TEX36: variants seen among roughly 807,000 people sequenced by gnomAD.
The protein encoded by TEX36 is testis-expressed protein 36.
A neutral mutation model predicts 13.6 loss-of-function variants in TEX36; 12 were observed. That is an observed-to-expected ratio of 0.88 (90% CI 0.56 to 1.43). The LOEUF (loss-of-function observed/expected upper bound fraction) is 1.43, where lower values mean the gene tolerates loss of function less well. Among genes scored for constraint, TEX36 ranks in the 40% most tolerant of loss-of-function variants. TEX36 has a pLI of 0.00. For missense variants in TEX36, 224 were observed against 228.3 expected, an observed-to-expected ratio of 0.98 and a Z score of 0.12; for synonymous variants, 93 against 83.0, an observed-to-expected ratio of 1.12 and a Z score of -0.65.
chr10:125,657,509 G>T (rs906396511), intron 3 of TEX36, among the ~76,000 whole-genome samples: 1 of 152,154 alleles, frequency 6.6e-6, no homozygotes, highest in Non-Finnish European at 1.5e-5. Flanking sequence ...ACAAGTAAAA[G>T]AAAGGCATGA....
chr10:125,671,370 C>A (rs538506491), intron 1 of TEX36, among the ~76,000 whole-genome samples: 54 of 152,294 alleles, frequency 3.5e-4, no homozygotes, highest in African/African-American at 1.3e-3. Context: ...AAGGTCTTTT[C>A]TATGTCTATT....
At chr10:125,682,808 G>A in intron 1 of TEX36, 131 bp downstream of exon 1, 1 of 992,482 alleles carries the variant, frequency 1.0e-6, no homozygotes, top group Non-Finnish European at 1.6e-6. Context: ...AAGAAACTGA[G>A]GTTGAGTAAA....
chr10:125,580,430 C>T (rs554316833), intron 3 of TEX36, among the ~76,000 whole-genome samples: 84 of 152,256 alleles, frequency 5.5e-4, no homozygotes, highest in African/African-American at 1.9e-3. Flanking sequence ...TCCCAGAATA[C>T]CATAAAATAC....
At chr10:125,678,739 C>CG (rs1847348289) in intron 1 of TEX36, among the ~76,000 whole-genome samples, 1 of 151,980 alleles carries the variant, frequency 6.6e-6, no homozygotes. Context: ...ATGGTAGTGG[C>CG]CAGGAGTTTA....
intron 3 of TEX36, among the ~76,000 whole-genome samples, chr10:125,642,979 A>T (rs1048303619): frequency 5.3e-5 from 8 of 152,348 alleles, no homozygotes; most frequent in Middle Eastern, 6.8e-3. Flanking sequence ...CAGGTCGGCT[A>T]CAAATGTATT....
chr10:125,660,882 T>C (rs1001682339), intron 3 of TEX36, 139 bp downstream of exon 3: 1 of 707,398 alleles, frequency 1.4e-6, no homozygotes, highest in Non-Finnish European at 2.5e-6. Flanking sequence ...TAATCTGTTA[T>C]GAGTCTTGTT....
chr10:125,632,401 C>G (rs546620337), intron 3 of TEX36, among the ~76,000 whole-genome samples: 5 of 152,294 alleles, frequency 3.3e-5, no homozygotes, highest in Non-Finnish European at 5.9e-5. Flanking sequence ...AAGAGACTCT[C>G]CTTCTTTGTC....
intron 3 of TEX36, among the ~76,000 whole-genome samples, chr10:125,577,926 T>C (rs996429405): frequency 6.6e-6 from 1 of 152,230 alleles, no homozygotes; most frequent in African/African-American, 2.4e-5. Context: ...AAAGGGCAGG[T>C]CTTGGTGACT....
chr10:125,615,426 A>C (rs1589755686), intron 3 of TEX36, among the ~76,000 whole-genome samples: 1 of 152,092 alleles, frequency 6.6e-6, no homozygotes, highest in African/African-American at 2.4e-5. Flanking sequence ...GGTTTGTCAT[A>C]GATAGCTCTT....
intron 3 of TEX36, among the ~76,000 whole-genome samples, chr10:125,657,318 G>T (rs1846963616): frequency 6.6e-6 from 1 of 152,144 alleles, no homozygotes; most frequent in Admixed American, 6.5e-5. Context: ...ACCCCAAGGG[G>T]CTGTGCAATG....
intron 3 of TEX36, among the ~76,000 whole-genome samples, chr10:125,602,719 A>G: frequency 6.6e-6 from 1 of 152,266 alleles, no homozygotes; most frequent in Non-Finnish European, 1.5e-5. Context: ...GTGAAGGTAC[A>G]GAATAAGTCT....
At chr10:125,582,469 A>G (rs1191793484) in intron 3 of TEX36, among the ~76,000 whole-genome samples, 1 of 152,144 alleles carries the variant, frequency 6.6e-6, no homozygotes, top group African/African-American at 2.4e-5. Context: ...CTTTCAAATA[A>G]ATGCACATAC....
chr10:125,646,482 C>T (rs977172237), intron 3 of TEX36, among the ~76,000 whole-genome samples: 1 of 152,002 alleles, frequency 6.6e-6, no homozygotes, highest in Non-Finnish European at 1.5e-5. Flanking sequence ...ACAGGAAAGA[C>T]TGGAAATAAT....
chr10:125,673,027 C>A (rs369067343), intron 1 of TEX36, among the ~76,000 whole-genome samples: 1 of 152,258 alleles, frequency 6.6e-6, no homozygotes, highest in African/African-American at 2.4e-5. Flanking sequence ...TGTCTTTGCA[C>A]GTGAGATGGG....
At chr10:125,576,777 C>A (rs769917655) in exon 4 of TEX36, 1 of 1,535,578 alleles carries the variant, frequency 6.5e-7, no homozygotes, top group South Asian at 1.2e-5. Context: ...TGCATTAGTT[C>A]TCAGGCCTGG....
At chr10:125,673,253 T>C (rs1589788608) in intron 1 of TEX36, among the ~76,000 whole-genome samples, 2 of 152,176 alleles carry the variant, frequency 1.3e-5, no homozygotes, top group African/African-American at 2.4e-5. Context: ...CTGGTAATGG[T>C]TTTTCCTTTC....
chr10:125,615,897 T>C (rs1450664533), intron 3 of TEX36, among the ~76,000 whole-genome samples: 1 of 152,232 alleles, frequency 6.6e-6, no homozygotes, highest in Non-Finnish European at 1.5e-5. Flanking sequence ...AATTCGGCTG[T>C]GAATCCATCT....
At chr10:125,576,725 G>A in exon 4 of TEX36, 1 of 1,534,412 alleles carries the variant, frequency 6.5e-7, no homozygotes, top group East Asian at 2.4e-5. Flanking sequence ...GGGAATGGGT[G>A]ACAGAAACTT....
Position 125,683,042 on chromosome 10 carries a change from G to C in TEX36, c.-53C>G, listed in dbSNP as rs1847422139. On this transcript the variant is annotated 5_prime_UTR_variant, in exon 1 of 4. Coordinates refer to ENST00000368821, the MANE Select transcript of TEX36 (RefSeq NM_001128202.3). ...GATTGGCTCCCTCACCTCTCCATAA[G>C]CTCTACATGTCTGGGAAGCTGCTTC... 6.5e-7 allele frequency: 1 copy of C among 1,541,856 alleles called. No homozygotes were observed. Among genetic ancestry groups the C allele is most frequent in the African/African-American group, 1.4e-5 (1 of 72,948 alleles).
Sources: allele counts gnomAD v4.1 joint callset (sites outside exome capture counted in the v4.1 genomes callset), GRCh38; gene constraint gnomAD v4.1.1; transcripts MANE v1.5; gene names NCBI Gene and HGNC (gene_info 2026-07-23, HGNC 2026-07-21).